The following AGPAT5 variants were observed in gnomAD, a reference collection of about 807,000 sequenced individuals.
AGPAT5 encodes the protein 1-acylglycerol-3-phosphate O-acyltransferase 5.
Under a neutral mutation model 45.6 loss-of-function variants are expected in AGPAT5, and 46 were observed. That is an observed-to-expected ratio of 1.01 (90% CI 0.80 to 1.29). The LOEUF (loss-of-function observed/expected upper bound fraction) is 1.29, where lower values mean the gene tolerates loss of function less well. AGPAT5 is among the 50% of genes most tolerant of loss of function. The pLI is 0.00. For synonymous variants in AGPAT5, 272 were observed against 167.0 expected, an observed-to-expected ratio of 1.63 and a Z score of -4.85; for missense variants, 673 against 450.7, an observed-to-expected ratio of 1.49 and a Z score of -4.47.
At chr8:6,726,810 C>G (rs1800703377) in intron 2 of AGPAT5, among the ~76,000 whole-genome samples, 1 of 152,140 alleles carries the variant, frequency 6.6e-6, no homozygotes, top group Non-Finnish European at 1.5e-5. Context: ...GCTCTGGCAC[C>G]ACATCCTCAT....
At chr8:6,734,823 A>G (rs999658817) in intron 4 of AGPAT5, among the ~76,000 whole-genome samples, 3 of 151,988 alleles carry the variant, frequency 2.0e-5, no homozygotes, top group Non-Finnish European at 2.9e-5. Flanking sequence ...GGTTTTGCTC[A>G]TGTGCTTTTT....
intron 1 of AGPAT5, among the ~76,000 whole-genome samples, chr8:6,715,166 G>C (rs1192586005): frequency 6.6e-6 from 1 of 152,152 alleles, no homozygotes; most frequent in Non-Finnish European, 1.5e-5. Flanking sequence ...TCTAGTGTGG[G>C]AAGACAAACA....
In AGPAT5 at chr8:6,757,268, G is replaced by A. The variant is rs1257930715; in HGVS notation, c.975G>A (p.Met325Ile). 2.5e-6 allele frequency: 4 copies of A among 1,614,086 alleles called. No homozygotes were observed. The highest frequency in any genetic ancestry group is 1.7e-5 in the Admixed American group (1 of 59,998). The change falls in exon 8 of 8, where the codon ATG becomes ATA. Residue 325 changes from methionine (M) to isoleucine (I), a missense_variant. Transcript: ENST00000285518. ...KLSIKKTLPS[M>I]LILSGLTAGM... ...GTATCAAGAAGACTTTACCATCAATGTTGATCTTAAGTGGTTTGACTGCAG... is the reference window on the plus strand; with the variant it reads ...GTATCAAGAAGACTTTACCATCAATATTGATCTTAAGTGGTTTGACTGCAG...
intron 1 of AGPAT5, among the ~76,000 whole-genome samples, chr8:6,710,209 G>A (rs570506377): frequency 6.6e-5 from 10 of 152,142 alleles, no homozygotes; most frequent in Admixed American, 5.9e-4. Flanking sequence ...CACCATTGAA[G>A]GATTTTTTGG....
chr8:6,758,427 G>A lies in AGPAT5; in HGVS notation c.*1039G>A, dbSNP rs1801917924. The A allele has an allele frequency of 6.5e-6, 1 of 152,688 alleles. No homozygotes were observed. Among genetic ancestry groups the A allele is most frequent in the Non-Finnish European group, 1.5e-5 (1 of 68,074 alleles). The allele number at this position is 152,688 out of a possible 1,614,324, so 9.5% of individuals were successfully genotyped here. On this transcript the variant is annotated 3_prime_UTR_variant, in exon 8 of 8. Coordinates refer to ENST00000285518, the MANE Select transcript of AGPAT5 (RefSeq NM_018361.5). Reference sequence around the variant, plus strand: ...CTGGTCCTTCCCTTGGATCCCGTCAGTGGTGCTGCTCAGCGGCTTGCACGC... The same window carrying A: ...CTGGTCCTTCCCTTGGATCCCGTCAATGGTGCTGCTCAGCGGCTTGCACGC...
chr8:6,722,048 A>C (rs1362769047), intron 1 of AGPAT5, among the ~76,000 whole-genome samples: 2 of 152,068 alleles, frequency 1.3e-5, no homozygotes, highest in Non-Finnish European at 2.9e-5. Context: ...TGAAAAAGTG[A>C]CTAGTCAAAG....
At position 6,757,222 on chromosome 8, in the gene AGPAT5, A is replaced by G; in HGVS notation, c.929A>G (p.Lys310Arg). ...DPERRKRFPG[K>R]SVNSKLSIKK... Reference sequence around the variant, plus strand: ...GAAAGAAGAAAAAGATTTCCTGGGAAAAGTGTTAATTCCAAATTAAGTATC... The same window carrying G: ...GAAAGAAGAAAAAGATTTCCTGGGAGAAGTGTTAATTCCAAATTAAGTATC... Residue 310 changes from lysine (K) to arginine (R), a missense_variant, in exon 8 of 8, where the codon AAA becomes AGA. Physicochemically the swap from Lys to Arg is conservative, Grantham distance 26 (BLOSUM62 2). Transcript: ENST00000285518. The G allele has an allele frequency of 2.5e-6, 4 of 1,614,230 alleles. No homozygotes were observed. Among genetic ancestry groups the G allele is most frequent in the Non-Finnish European group, 2.5e-6 (3 of 1,180,038 alleles).
chr8:6,760,070 A>G lies in AGPAT5; in HGVS notation c.*2682A>G. Among the ~76,000 whole-genome samples, 1 of 152,320 alleles carries G rather than the reference A, an allele frequency of 6.6e-6. No individual in the cohort carries two copies. Among genetic ancestry groups the G allele is most frequent in the African/African-American group, 2.4e-5 (1 of 41,580 alleles). ...TTTAGAGTGGCAACAATTTTGCTTA[A>G]TATGGGTTACATAAGCTTTATTTTT... On this transcript the variant is annotated 3_prime_UTR_variant, in exon 8 of 8. Coordinates refer to ENST00000285518, the MANE Select transcript of AGPAT5 (RefSeq NM_018361.5).
intron 6 of AGPAT5, among the ~76,000 whole-genome samples, chr8:6,753,350 C>G (rs774743030): frequency 6.6e-6 from 1 of 152,112 alleles, no homozygotes; most frequent in African/African-American, 2.4e-5. Flanking sequence ...CAGTGTTGAC[C>G]AGGTGATTAC....
At chr8:6,728,363 C>G (rs1272713745) in intron 2 of AGPAT5, among the ~76,000 whole-genome samples, 3 of 152,184 alleles carry the variant, frequency 2.0e-5, no homozygotes, top group African/African-American at 7.2e-5. Context: ...TGAAAGGTAG[C>G]TGAGAATAAA....
intron 4 of AGPAT5, among the ~76,000 whole-genome samples, chr8:6,740,203 C>A (rs975359414): frequency 6.6e-6 from 1 of 151,930 alleles, no homozygotes; most frequent in East Asian, 1.9e-4. Context: ...GAGAAATAAT[C>A]GTTTTATTTA....
At chr8:6,729,344 A>AG (rs1800788091) in intron 2 of AGPAT5, among the ~76,000 whole-genome samples, 1 of 63,910 alleles carries the variant, frequency 1.6e-5, no homozygotes, top group Non-Finnish European at 2.5e-5. Context: ...TTTTCTACAG[A>AG]CTTTTTTTTT....
intron 4 of AGPAT5, among the ~76,000 whole-genome samples, chr8:6,739,247 T>C (rs1011206284): frequency 7.9e-5 from 12 of 152,184 alleles, no homozygotes; most frequent in African/African-American, 2.7e-4. Flanking sequence ...TTGTTCTTTC[T>C]TTTCAAAGTT....
Position 6,759,336 on chromosome 8 carries a change from T to C in AGPAT5, c.*1948T>C. On this transcript the variant is annotated 3_prime_UTR_variant, in exon 8 of 8. Coordinates refer to ENST00000285518, the MANE Select transcript of AGPAT5 (RefSeq NM_018361.5). ...CATAAGATCACTTGAATGTTAGGTTTCATAGAACTATACTAATCTTCTCAC... is the reference window on the plus strand; with the variant it reads ...CATAAGATCACTTGAATGTTAGGTTCCATAGAACTATACTAATCTTCTCAC... The C allele has an allele frequency of 6.6e-6, 1 of 152,220 alleles. No individual in the cohort carries two copies. The highest frequency in any genetic ancestry group is 1.9e-4 in the East Asian group (1 of 5,204). 9.4% of individuals were successfully genotyped at this position (152,220 alleles called of 1,614,324 possible). A position where few individuals can be genotyped will look rare whatever the true frequency, so the allele number is the denominator to read the frequency against.
chr8:6,753,655 C>A (rs1801730339), intron 6 of AGPAT5, among the ~76,000 whole-genome samples: 1 of 152,136 alleles, frequency 6.6e-6, no homozygotes, highest in Non-Finnish European at 1.5e-5. Context: ...GGCTACCTGA[C>A]TCCACCATGT....
At chr8:6,754,365 A>G (rs1221034368) in intron 6 of AGPAT5, among the ~76,000 whole-genome samples, 2 of 152,232 alleles carry the variant, frequency 1.3e-5, no homozygotes, top group Non-Finnish European at 2.9e-5. Flanking sequence ...ATAATATGTT[A>G]AAATATGGCA....
In AGPAT5 at chr8:6,760,076, G is replaced by A. The variant is rs142956513; in HGVS notation, c.*2688G>A. ...GTGGCAACAATTTTGCTTAATATGG[G>A]TTACATAAGCTTTATTTTTTCCTTT... On this transcript the variant is annotated 3_prime_UTR_variant, in exon 8 of 8. Coordinates refer to ENST00000285518, the MANE Select transcript of AGPAT5 (RefSeq NM_018361.5). Among the ~76,000 whole-genome samples the A allele has an allele frequency of 9.2e-3, 1,396 of 152,154 alleles. 10 individuals carry two copies. The highest frequency in any genetic ancestry group is 0.014 in the Non-Finnish European group (979 of 68,024).
chr8:6,713,114 C>T (rs1800206928), intron 1 of AGPAT5, among the ~76,000 whole-genome samples: 1 of 152,114 alleles, frequency 6.6e-6, no homozygotes, highest in Admixed American at 6.5e-5. Flanking sequence ...GGAGTAGCTG[C>T]CGTGCCATTA....
In AGPAT5 at chr8:6,732,605, A is replaced by G. The variant is rs17078008; in HGVS notation, c.450A>G (p.Lys150=). ...YVKRSAKFNE[K]EMRNKLQSYV... is the part of the protein sequence containing the mutation. ...AGCGCAGTGCCAAATTTAACGAGAA[A>G]GAGATGCGAAACAAGTTGCAGAGCT... Residue 150 remains lysine (K), a synonymous_variant, in exon 4 of 8, where the codon AAA becomes AAG. Transcript: ENST00000285518. 0.017 allele frequency: 27,267 copies of G among 1,611,116 alleles called. 633 individuals carry two copies. Among genetic ancestry groups the G allele is most frequent in the African/African-American group, 0.1 (7,701 of 74,834 alleles).
Sources: gnomAD v4.1 joint callset for allele counts (sites outside exome capture counted in the v4.1 genomes callset) on GRCh38, gnomAD v4.1.1 for gene constraint, MANE v1.5 for transcripts, NCBI Gene and HGNC (gene_info 2026-07-23, HGNC 2026-07-21) for gene names.